KCNIP4: variants seen among roughly 807,000 people sequenced by gnomAD.
KCNIP4 encodes potassium voltage-gated channel interacting protein 4.
A neutral mutation model predicts 34.0 loss-of-function variants in KCNIP4; 12 were observed. The observed-to-expected ratio is 0.35, with a 90% CI of 0.23 to 0.57. The LOEUF is 0.57. KCNIP4 is among the 20% of genes least tolerant of loss of function. The pLI is 0.83. For synonymous variants in KCNIP4, 124 were observed against 102.2 expected, an observed-to-expected ratio of 1.21 and a Z score of -1.29; for missense variants, 238 against 311.7, an observed-to-expected ratio of 0.76 and a Z score of 1.78.
chr4:20,882,846 G>A, intron 1 of KCNIP4, 137 bp from the exon 2 acceptor site: 1 of 529,750 alleles, frequency 1.9e-6, no homozygotes. Context: ...CAGTGGGTTG[G>A]GACCCCCGAA....
At chr4:20,745,152 C>T (rs1020226526) in intron 5 of KCNIP4, among the ~76,000 whole-genome samples, 1 of 152,162 alleles carries the variant, frequency 6.6e-6, no homozygotes, top group African/African-American at 2.4e-5. Flanking sequence ...CAGGGTCCCA[C>T]CCTTAGGTTG....
chr4:21,939,542 T>G (rs571606292), intron 1 of KCNIP4, among the ~76,000 whole-genome samples: 1 of 152,250 alleles, frequency 6.6e-6, no homozygotes, highest in Non-Finnish European at 1.5e-5. Flanking sequence ...TTCTGCACTC[T>G]CATTGTTTTA....
intron 1 of KCNIP4, among the ~76,000 whole-genome samples, chr4:21,022,892 C>T (rs1022367522): frequency 6.6e-5 from 10 of 151,258 alleles, no homozygotes; most frequent in South Asian, 4.2e-4. Context: ...GTGGTGTGAT[C>T]TCGGCTCACT....
chr4:20,999,771 T>C (rs544465578), intron 1 of KCNIP4, among the ~76,000 whole-genome samples: 50 of 152,232 alleles, frequency 3.3e-4, no homozygotes, highest in South Asian at 8.3e-4. Context: ...CAAGATGATA[T>C]TCAAGTTTTC....
At chr4:20,974,162 G>T (rs2149681489) in intron 1 of KCNIP4, among the ~76,000 whole-genome samples, 1 of 152,324 alleles carries the variant, frequency 6.6e-6, no homozygotes, top group Middle Eastern at 3.4e-3. Flanking sequence ...AGGTATCTGT[G>T]TTATGCCTGT....
At chr4:21,346,333 T>C (rs1383603651) in intron 1 of KCNIP4, among the ~76,000 whole-genome samples, 1 of 115,634 alleles carries the variant, frequency 8.6e-6, no homozygotes, top group Non-Finnish European at 1.8e-5. Flanking sequence ...ATTCTATTTA[T>C]AGTGCCTATA....
intron 1 of KCNIP4, among the ~76,000 whole-genome samples, chr4:21,805,852 T>C (rs992615278): frequency 3.9e-5 from 6 of 152,208 alleles, no homozygotes; most frequent in Admixed American, 3.9e-4. Context: ...CCAAAGGCCC[T>C]GTGCTTGGCA....
intron 1 of KCNIP4, among the ~76,000 whole-genome samples, chr4:21,271,655 C>A (rs6826133): frequency 1.1e-3 from 162 of 152,128 alleles, no homozygotes; most frequent in African/African-American, 3.6e-3. Context: ...GCTTCATAAT[C>A]ACCCCCAGGT....
At chr4:21,059,470 A>T (rs1490409622) in intron 1 of KCNIP4, among the ~76,000 whole-genome samples, 1 of 152,108 alleles carries the variant, frequency 6.6e-6, no homozygotes, top group African/African-American at 2.4e-5. Flanking sequence ...AAGGCCAAGG[A>T]TGGACGGAGA....
intron 1 of KCNIP4, among the ~76,000 whole-genome samples, chr4:21,577,652 A>G: frequency 6.7e-6 from 1 of 148,554 alleles, no homozygotes. Flanking sequence ...AAACAAACAA[A>G]CAAACAAAAA....
rs376947834 is a variant in KCNIP4 at position 21,549,203 on chromosome 4, T to C, written c.61+399368A>G. 1.1e-4 allele frequency among the ~76,000 whole-genome samples: 17 copies of C among 152,178 alleles called. No individual in the cohort carries two copies. The South Asian group carries it at 3.1e-3, about 28-fold the overall frequency. On this transcript the variant is annotated intron_variant, in intron 1 of 8. Transcript: ENST00000382152. ...GCCACAATTATATGATGTTTACTAC[T>C]TGCCAGACACATAGTAGCTCATTTT...
In KCNIP4 at chr4:20,829,861, G is replaced by C. The variant is rs150478955; in HGVS notation, c.288+20682C>G. Among the ~76,000 whole-genome samples the C allele has an allele frequency of 1.4e-3, 213 of 152,164 alleles. 1 individual carries two copies. Among genetic ancestry groups the C allele is most frequent in the African/African-American group, 4.6e-3 (191 of 41,530 alleles). On this transcript the variant is annotated intron_variant, in intron 3 of 8. Transcript: ENST00000382152. ...GTCTCACGGAGATAAGTATGATATA[G>C]ATGTTGGTGTCATCAGTATTTATTT...
rs1409469738 is a variant in KCNIP4 at position 20,729,829 on chromosome 4, A to ATTACT, written c.*248_*252dup. On this transcript the variant is annotated 3_prime_UTR_variant, in exon 9 of 9. Coordinates refer to ENST00000382152, the MANE Select transcript of KCNIP4 (RefSeq NM_025221.6). ...CCAATAAAACTATATGCCAGATTCT[A>ATTACT]TTACTTTTGAATATTCACAGAGTAT... is the stretch of plus-strand genomic sequence containing the variant. 4.6e-5 allele frequency: 17 copies of ATTACT among 365,746 alleles called. No individual in the cohort carries two copies. Among genetic ancestry groups the ATTACT allele is most frequent in the Non-Finnish European group, 4.9e-6 (1 of 204,728 alleles). The allele number at this position is 365,746 out of a possible 1,614,324, so 22.7% of individuals were successfully genotyped here.
chr4:21,157,430 C>A (rs1476855352), intron 1 of KCNIP4, among the ~76,000 whole-genome samples: 1 of 151,148 alleles, frequency 6.6e-6, no homozygotes, highest in African/African-American at 2.4e-5. Flanking sequence ...GTAACAGGGA[C>A]AAGATTTACA....
chr4:21,247,810 T>TAC (rs1760375406), intron 1 of KCNIP4, among the ~76,000 whole-genome samples: 2 of 100,902 alleles, frequency 2.0e-5, no homozygotes, highest in Non-Finnish European at 3.7e-5. Context: ...GATATATATA[T>TAC]ATATATATAT....
At chr4:21,032,686 G>A (rs1477730768) in intron 1 of KCNIP4, among the ~76,000 whole-genome samples, 4 of 152,188 alleles carry the variant, frequency 2.6e-5, no homozygotes, top group Admixed American at 2.0e-4. Context: ...TTCTGATCCC[G>A]TTTGTACTGA....
intron 1 of KCNIP4, among the ~76,000 whole-genome samples, chr4:21,588,725 G>A (rs1303598659): frequency 6.6e-6 from 1 of 151,898 alleles, no homozygotes; most frequent in Non-Finnish European, 1.5e-5. Context: ...AACTGTAATT[G>A]AAATCTACTC....
intron 1 of KCNIP4, among the ~76,000 whole-genome samples, chr4:21,833,762 T>G (rs1238984562): frequency 6.6e-6 from 1 of 152,142 alleles, no homozygotes; most frequent in Non-Finnish European, 1.5e-5. Flanking sequence ...TTGAATTGAT[T>G]TTTGTATAAG....
chr4:21,798,952 T>C (rs1720820779), intron 1 of KCNIP4, among the ~76,000 whole-genome samples: 1 of 152,088 alleles, frequency 6.6e-6, no homozygotes, highest in Non-Finnish European at 1.5e-5. Context: ...GGCTACATTA[T>C]CAAAATGTTT....
Sources: gnomAD v4.1 joint callset for allele counts (sites outside exome capture counted in the v4.1 genomes callset) on GRCh38, gnomAD v4.1.1 for gene constraint, MANE v1.5 for transcripts, NCBI Gene and HGNC (gene_info 2026-07-23, HGNC 2026-07-21) for gene names.